The following UGT2B7 variants were observed in gnomAD, a reference collection of about 807,000 sequenced individuals.
UGT2B7 encodes UDP glucuronosyltransferase family 2 member B7.
In UGT2B7, 51 loss-of-function variants were observed where a neutral mutation model predicts 51.9. That is an observed-to-expected ratio of 0.98 (90% confidence interval 0.78 to 1.24). UGT2B7 has a LOEUF of 1.24. Among genes scored for constraint, UGT2B7 ranks in the 50% most tolerant of loss-of-function variants. The pLI is 0.00. For synonymous variants in UGT2B7, 225 were observed against 211.6 expected (o/e 1.06, Z -0.55); for missense variants, 727 against 628.4 (o/e 1.16, Z -1.68).
chr4:69,103,128 A>T (rs1425892710), intron 3 of UGT2B7, among the ~76,000 whole-genome samples, 190 bp downstream of exon 3: 1 of 144,826 alleles, frequency 6.9e-6, no homozygotes, highest in Non-Finnish European at 1.5e-5. Flanking sequence ...AATGGTGTTA[A>T]GTATGAACAT....
intron 1 of UGT2B7, among the ~76,000 whole-genome samples, chr4:69,055,175 T>C (rs1437086886): frequency 6.8e-6 from 1 of 147,932 alleles, no homozygotes; most frequent in Non-Finnish European, 1.5e-5. Context: ...TGTGCTGCTA[T>C]TAATAGTAAG....
At chr4:69,091,836 T>C (rs1719092361), upstream of UGT2B7, among the ~76,000 whole-genome samples, 1 of 152,222 alleles carries the variant, frequency 6.6e-6, no homozygotes, top group African/African-American at 2.4e-5. Context: ...CTTTTCTCAT[T>C]GACTACAAGA....
At position 69,108,239 on chromosome 4, in the gene UGT2B7, G is replaced by C; in HGVS notation, c.1227G>C (p.Arg409Ser). 1 of 1,613,724 alleles carries C rather than the reference G, an allele frequency of 6.2e-7. No homozygotes were observed. The highest frequency in any genetic ancestry group is 1.1e-5 in the South Asian group (1 of 91,074). Residue 409 changes from arginine (R) to serine (S), a missense_variant, in exon 5 of 6, where the codon AGG (arginine) becomes AGC (serine). Coordinates refer to ENST00000305231, the MANE Select transcript of UGT2B7 (RefSeq NM_001074.4). Reference protein sequence around the residue: ...QPDNIAHMKARGAAVRVDFNT... With the variant: ...QPDNIAHMKASGAAVRVDFNT... ...ATAACATTGCTCACATGAAGGCCAG[G>C]GGAGCAGCTGTTAGAGTGGACTTCA...
rs763449768 is a variant in UGT2B7 at position 69,108,184 on chromosome 4, T to G, written c.1172T>G (p.Val391Gly). 21 of 1,613,554 alleles carry G rather than the reference T, an allele frequency of 1.3e-5. No homozygotes were observed. The change falls in exon 5 of 6, where the codon GTG becomes GGG. Residue 391 changes from valine (V) to glycine (G), a missense_variant. Val to Gly is a moderately radical substitution (Grantham distance 109, BLOSUM62 -3). Transcript: ENST00000305231. ...YEAIYHGIPM[V>G]GIPLFADQPD... ...GCAATCTACCATGGGATCCCTATGG[T>G]GGGGATTCCATTGTTTGCCGATCAA...
chr4:69,081,872 AT>A (rs1718845844), intron 1 of UGT2B7, among the ~76,000 whole-genome samples: 1 of 152,068 alleles, frequency 6.6e-6, no homozygotes, highest in Admixed American at 6.6e-5. Context: ...GTTTACACAT[AT>A]TTAGGTTTTT....
At chr4:69,102,194 A>AT (rs560476538) in intron 2 of UGT2B7, among the ~76,000 whole-genome samples, 64 of 152,038 alleles carry the variant, frequency 4.2e-4, no homozygotes, top group African/African-American at 1.4e-3. Flanking sequence ...TATTTATTTT[A>AT]TTTTTTTTAG....
At chr4:69,072,070 T>C (rs58496756) in intron 1 of UGT2B7, among the ~76,000 whole-genome samples, 65,163 of 151,866 alleles carry the variant, frequency 0.43, 15,535 homozygotes, top group African/African-American at 0.64. Context: ...TGTTTTAATA[T>C]TGAGAAATCT....
chr4:69,099,257 C>CAAA (rs58121670), intron 2 of UGT2B7, among the ~76,000 whole-genome samples: 161 of 105,222 alleles, frequency 1.5e-3, no homozygotes, highest in Non-Finnish European at 2.6e-3. Flanking sequence ...GAGAGACAGA[C>CAAA]AAAAAAAAAA....
At chr4:69,111,211 AG>A (rs1451906036) in intron 5 of UGT2B7, among the ~76,000 whole-genome samples, 1 of 152,206 alleles carries the variant, frequency 6.6e-6, no homozygotes, top group African/African-American at 2.4e-5. Flanking sequence ...GAAAAGTGTT[AG>A]GAAAAGAGTT....
intron 1 of UGT2B7, among the ~76,000 whole-genome samples, chr4:69,064,049 A>G (rs574804700): frequency 1.9e-5 from 2 of 105,810 alleles, no homozygotes; most frequent in Non-Finnish European, 3.6e-5. Flanking sequence ...AGAAAGAAAG[A>G]AAGAAAGAAA....
At chr4:69,065,755 C>T (rs1718467973) in intron 1 of UGT2B7, among the ~76,000 whole-genome samples, 1 of 152,016 alleles carries the variant, frequency 6.6e-6, no homozygotes, top group Admixed American at 6.5e-5. Flanking sequence ...AAACTCACTC[C>T]CATTTGATTG....
At chr4:69,070,797 C>T (rs1241853573) in intron 1 of UGT2B7, among the ~76,000 whole-genome samples, 1 of 152,090 alleles carries the variant, frequency 6.6e-6, no homozygotes, top group African/African-American at 2.4e-5. Flanking sequence ...CCTTCTAGGA[C>T]AAATCCATGA....
chr4:69,098,516 C>T (rs751992829), intron 1 of UGT2B7, 24 bp from the exon 2 acceptor site: 27 of 1,475,050 alleles, frequency 1.8e-5, no homozygotes, highest in Admixed American at 4.6e-5. Context: ...TGTCATCCAC[C>T]TTTTTTTTTT....
intron 1 of UGT2B7, among the ~76,000 whole-genome samples, chr4:69,070,698 A>G (rs1308959808): frequency 6.6e-6 from 1 of 152,100 alleles, no homozygotes; most frequent in Non-Finnish European, 1.5e-5. Context: ...TAAAATGATT[A>G]TTAGACAAGG....
At chr4:69,103,933 A>G (rs1719505450) in intron 3 of UGT2B7, among the ~76,000 whole-genome samples, 1 of 152,184 alleles carries the variant, frequency 6.6e-6, no homozygotes. Context: ...TTTAGGAATA[A>G]TAACCAACAC....
intron 3 of UGT2B7, among the ~76,000 whole-genome samples, chr4:69,105,948 G>C (rs1353680757): frequency 6.6e-6 from 1 of 151,882 alleles, no homozygotes; most frequent in Non-Finnish European, 1.5e-5. Flanking sequence ...ATTAAATTTG[G>C]AAAATGAAAA....
intron 1 of UGT2B7, among the ~76,000 whole-genome samples, chr4:69,057,377 A>G (rs1306933366): frequency 3.9e-5 from 6 of 152,158 alleles, no homozygotes; most frequent in Admixed American, 3.9e-4. Flanking sequence ...TGCATTAATA[A>G]TAGAGGAAAT....
At chr4:69,061,715 C>T (rs1249105528) in intron 1 of UGT2B7, among the ~76,000 whole-genome samples, 1 of 152,138 alleles carries the variant, frequency 6.6e-6, no homozygotes, top group Non-Finnish European at 1.5e-5. Context: ...AATGGCTCAC[C>T]GCTATTACTT....
At chr4:69,096,346 C>A, upstream of UGT2B7, 1 of 977,732 alleles carries the variant, frequency 1.0e-6, no homozygotes, top group South Asian at 1.7e-5. Context: ...AGATCATTTA[C>A]CTTCATTTGT....
Sources: allele counts gnomAD v4.1 joint callset (sites outside exome capture counted in the v4.1 genomes callset), GRCh38; gene constraint gnomAD v4.1.1; transcripts MANE v1.5; gene names NCBI Gene and HGNC (gene_info 2026-07-23, HGNC 2026-07-21).